DMD: variants seen among roughly 807,000 people sequenced by gnomAD.
DMD encodes the protein dystrophin.
In DMD, 63 loss-of-function variants were observed where a neutral mutation model predicts 330.1. The ratio of observed to expected loss-of-function variants is 0.19; its 90% CI spans 0.16 to 0.24. The LOEUF (loss-of-function observed/expected upper bound fraction) is 0.24. Among genes scored for constraint, DMD ranks in the 10% least tolerant of loss-of-function variants. The pLI, the probability that DMD is intolerant of heterozygous loss-of-function variation, is 1.00. For missense variants in DMD, 3,344 were observed against 2,684.1 expected (o/e 1.25, Z -5.43); for synonymous variants, 1,223 against 959.8 (o/e 1.27, Z -5.07).
At chrX:31,162,356 TAAAAAAAAAAA>T (rs57908991) in intron 74 of DMD, among the ~76,000 whole-genome samples, 1 of 50,608 alleles carries the variant, frequency 2.0e-5, no homozygotes, top group East Asian at 6.7e-4. Flanking sequence ...ATGAAAAATC[TAAAAAAAAAAA>T]AAAAAAAAAA....
chrX:31,447,810 C>G (rs2065397671), intron 59 of DMD, among the ~76,000 whole-genome samples: 1 of 108,636 alleles, frequency 9.2e-6, no homozygotes, highest in Non-Finnish European at 1.9e-5. Context: ...AGTTCGAGAC[C>G]AGACTGGCCA....
intron 48 of DMD, among the ~76,000 whole-genome samples, chrX:31,860,595 T>C (rs1423728772): frequency 8.9e-6 from 1 of 112,196 alleles, no homozygotes; most frequent in African/African-American, 3.2e-5. Flanking sequence ...CAAACCATTG[T>C]GGTTACTCAT....
intron 9 of DMD, among the ~76,000 whole-genome samples, chrX:32,671,447 C>T (rs953517583): frequency 9.0e-6 from 1 of 111,103 alleles, no homozygotes; most frequent in Non-Finnish European, 1.9e-5. Flanking sequence ...TATTTTAAAA[C>T]AAAAGATAAA....
chrX:32,874,755 G>A (rs1247835781), intron 2 of DMD, among the ~76,000 whole-genome samples: 2 of 111,279 alleles, frequency 1.8e-5, no homozygotes, highest in Admixed American at 9.6e-5. Context: ...CCTCTTTATG[G>A]GTTTCTTAGA....
intron 62 of DMD, among the ~76,000 whole-genome samples, chrX:31,321,382 C>T (rs1195422879): frequency 9.2e-6 from 1 of 108,502 alleles, no homozygotes; most frequent in African/African-American, 3.4e-5. Flanking sequence ...GTCAGGAGTT[C>T]GAGACGAGCC....
intron 45 of DMD, among the ~76,000 whole-genome samples, chrX:31,940,745 G>A (rs1218573120): frequency 9.1e-6 from 1 of 109,946 alleles, no homozygotes; most frequent in Non-Finnish European, 1.9e-5. Flanking sequence ...AGCGAGGGAG[G>A]AGGCCATGCA....
At chrX:31,483,629 T>C (rs1295411743) in intron 57 of DMD, among the ~76,000 whole-genome samples, 1 of 111,899 alleles carries the variant, frequency 8.9e-6, no homozygotes, top group Non-Finnish European at 1.9e-5. Context: ...TACAAAGACA[T>C]AAGCACCATT....
At chrX:32,722,408 A>AG (rs34549571) in intron 7 of DMD, among the ~76,000 whole-genome samples, 1 of 110,787 alleles carries the variant, frequency 9.0e-6, no homozygotes, top group Admixed American at 9.7e-5. Flanking sequence ...TAAAGTATAT[A>AG]GGGGGGTGTG....
intron 9 of DMD, among the ~76,000 whole-genome samples, chrX:32,647,634 T>C (rs746999743): frequency 8.9e-6 from 1 of 112,047 alleles, no homozygotes; most frequent in Non-Finnish European, 1.9e-5. Context: ...GCATAAGCCT[T>C]AGTTTCTGCT....
At chrX:31,500,668 T>C (rs1039053404) in intron 56 of DMD, among the ~76,000 whole-genome samples, 3 of 112,398 alleles carry the variant, frequency 2.7e-5, no homozygotes, top group Admixed American at 9.4e-5. Flanking sequence ...TGTTTCTTTG[T>C]ATTTGTAATG....
intron 7 of DMD, 35 bp from the exon 8 acceptor site, chrX:32,699,328 G>A: frequency 9.0e-7 from 1 of 1,115,825 alleles, no homozygotes; most frequent in Non-Finnish European, 1.2e-6. Flanking sequence ...TCAATTTTTG[G>A]TTTCTATATT....
At chrX:32,027,487 T>C (rs1343139199) in intron 44 of DMD, among the ~76,000 whole-genome samples, 1 of 111,308 alleles carries the variant, frequency 9.0e-6, no homozygotes, top group Non-Finnish European at 1.9e-5. Flanking sequence ...CCCCTTGGTT[T>C]GTAGTTCTCA....
chrX:31,803,632 C>G (rs181352756), intron 50 of DMD, among the ~76,000 whole-genome samples: 1 of 97,491 alleles, frequency 1.0e-5, no homozygotes, highest in Non-Finnish European at 2.1e-5. Flanking sequence ...CCCTCCCTCC[C>G]TCCCTTCCTT....
At chrX:32,614,482 C>A (rs1195076598) in intron 11 of DMD, 29 bp from the exon 12 acceptor site, 2 of 1,159,437 alleles carry the variant, frequency 1.7e-6, no homozygotes, top group Non-Finnish European at 2.3e-6. Flanking sequence ...CCTATTATGA[C>A]CTCTTTGAAA....
chrX:32,168,112 T>C (rs1470341812), intron 44 of DMD, among the ~76,000 whole-genome samples: 1 of 112,091 alleles, frequency 8.9e-6, no homozygotes, highest in East Asian at 2.8e-4. Flanking sequence ...GCCCAAAGGA[T>C]GAGGATATGA....
chrX:32,329,555 G>A (rs994684795), intron 41 of DMD, among the ~76,000 whole-genome samples: 1 of 112,108 alleles, frequency 8.9e-6, no homozygotes, highest in Non-Finnish European at 1.9e-5. Context: ...AAATACTCGA[G>A]TGTATCTACG....
intron 1 of DMD, among the ~76,000 whole-genome samples, chrX:33,051,644 C>CTTTTTTTTTTTTTTTTTTTTTT (rs1569551755): frequency 1.2e-5 from 1 of 80,701 alleles, no homozygotes; most frequent in African/African-American, 6.1e-5. Flanking sequence ...TAATTACGCT[C>CTTTTTTTTTTTTTTTTTTTTTT]TATTTTTTTT....
chrX:32,648,303 T>C (rs2059910349), intron 9 of DMD, among the ~76,000 whole-genome samples: 1 of 111,949 alleles, frequency 8.9e-6, no homozygotes, highest in Admixed American at 9.5e-5. Context: ...TATCCATCAA[T>C]TCAACTATAT....
intron 53 of DMD, among the ~76,000 whole-genome samples, chrX:31,664,444 T>C (rs987160527): frequency 5.4e-5 from 6 of 110,576 alleles, no homozygotes; most frequent in Non-Finnish European, 9.5e-5. Context: ...CAGCAACTGG[T>C]GCTGCTGACT....
Sources: gnomAD v4.1 joint callset for allele counts (sites outside exome capture counted in the v4.1 genomes callset) on GRCh38, gnomAD v4.1.1 for gene constraint, MANE v1.5 for transcripts, NCBI Gene and HGNC (gene_info 2026-07-23, HGNC 2026-07-21) for gene names.